ADGRL3: variants seen among roughly 807,000 people sequenced by gnomAD.
ADGRL3 encodes adhesion G protein-coupled receptor L3.
A neutral mutation model predicts 153.5 loss-of-function variants in ADGRL3; 62 were observed. The ratio of observed to expected loss-of-function variants is 0.40; its 90% confidence interval spans 0.33 to 0.50. The LOEUF (loss-of-function observed/expected upper bound fraction) is 0.50, where lower values mean the gene tolerates loss of function less well. ADGRL3 is among the 20% of genes least tolerant of loss of function. The pLI is 0.47. For synonymous variants in ADGRL3, 710 were observed against 672.5 expected (o/e 1.06, Z -0.86); for missense variants, 1,641 against 1,859.4 (o/e 0.88, Z 2.16).
At chr4:62,018,924 G>C (rs1161573975) in intron 21 of ADGRL3, among the ~76,000 whole-genome samples, 2 of 152,296 alleles carry the variant, frequency 1.3e-5, no homozygotes, top group East Asian at 3.9e-4. Context: ...TGCAGCTGGG[G>C]TGTGGAAACA....
At chr4:61,408,663 T>G (rs527867925) in intron 2 of ADGRL3, among the ~76,000 whole-genome samples, 1 of 152,200 alleles carries the variant, frequency 6.6e-6, no homozygotes, top group African/African-American at 2.4e-5. Flanking sequence ...ATTATTTAAT[T>G]ATTTATACAG....
intron 2 of ADGRL3, among the ~76,000 whole-genome samples, chr4:61,492,603 A>G (rs1193501330): frequency 6.6e-6 from 1 of 152,130 alleles, no homozygotes; most frequent in Non-Finnish European, 1.5e-5. Flanking sequence ...CAATTATGAC[A>G]CCAGAATTCA....
chr4:61,401,124 A>C (rs1362559772), intron 2 of ADGRL3, among the ~76,000 whole-genome samples: 1 of 151,676 alleles, frequency 6.6e-6, no homozygotes, highest in Non-Finnish European at 1.5e-5. Context: ...ATAGTCCTGG[A>C]ATTTTTGCTG....
intron 11 of ADGRL3, among the ~76,000 whole-genome samples, chr4:61,905,439 G>A (rs756547922): frequency 1.3e-5 from 2 of 151,924 alleles, no homozygotes; most frequent in South Asian, 4.2e-4. Flanking sequence ...CCCACCAGTG[G>A]GCCACAAATG....
chr4:61,449,119 A>AT (rs2097641876), intron 2 of ADGRL3, among the ~76,000 whole-genome samples: 1 of 151,518 alleles, frequency 6.6e-6, no homozygotes, highest in Non-Finnish European at 1.5e-5. Flanking sequence ...TTTTCCTTTT[A>AT]TTTTTTATTT....
At chr4:61,867,328 G>C (rs1278845791) in intron 9 of ADGRL3, among the ~76,000 whole-genome samples, 1 of 150,936 alleles carries the variant, frequency 6.6e-6, no homozygotes, top group East Asian at 2.0e-4. Flanking sequence ...GGGAAACCCT[G>C]TCTCTACAAA....
chr4:61,719,470 G>T (rs112313270), intron 6 of ADGRL3, among the ~76,000 whole-genome samples: 12 of 152,252 alleles, frequency 7.9e-5, no homozygotes, highest in African/African-American at 2.6e-4. Flanking sequence ...CAAGTGTACT[G>T]TAAGATACAT....
intron 2 of ADGRL3, among the ~76,000 whole-genome samples, chr4:61,467,816 T>G (rs1478063621): frequency 1.3e-5 from 2 of 152,166 alleles, no homozygotes; most frequent in African/African-American, 4.8e-5. Context: ...TACTTGTTCT[T>G]TTCTTCAAAC....
chr4:61,833,925 A>G (rs1581056678), intron 9 of ADGRL3, among the ~76,000 whole-genome samples: 3 of 148,392 alleles, frequency 2.0e-5, no homozygotes, highest in East Asian at 2.0e-4. Context: ...GATCCCTTTC[A>G]CTGTCTCAGT....
At chr4:61,808,292 T>C (rs1239890407) in intron 8 of ADGRL3, among the ~76,000 whole-genome samples, 8 of 152,122 alleles carry the variant, frequency 5.3e-5, no homozygotes, top group Non-Finnish European at 7.3e-5. Context: ...GGATGCTGAA[T>C]AAATACACAG....
At chr4:61,277,329 G>A (rs1361616370) in intron 1 of ADGRL3, among the ~76,000 whole-genome samples, 1 of 152,060 alleles carries the variant, frequency 6.6e-6, no homozygotes, top group African/African-American at 2.4e-5. Context: ...TTCAGTAAAT[G>A]TTTCATACTG....
intron 1 of ADGRL3, among the ~76,000 whole-genome samples, chr4:61,293,286 C>A (rs1233015118): frequency 9.9e-5 from 15 of 152,122 alleles, no homozygotes; most frequent in Non-Finnish European, 2.9e-5. Flanking sequence ...GTGTTTTAAA[C>A]CATCATTACC....
chr4:61,338,238 T>G (rs1172934864), intron 1 of ADGRL3, among the ~76,000 whole-genome samples: 1 of 150,702 alleles, frequency 6.6e-6, no homozygotes. Context: ...GCCACCGCAC[T>G]CCAGCCTGGG....
intron 4 of ADGRL3, among the ~76,000 whole-genome samples, chr4:61,540,382 C>T (rs769688125): frequency 6.6e-6 from 1 of 151,998 alleles, no homozygotes; most frequent in Non-Finnish European, 1.5e-5. Flanking sequence ...AACTCCGTCT[C>T]TACTAAAAAT....
intron 5 of ADGRL3, among the ~76,000 whole-genome samples, chr4:61,598,527 T>G (rs1043051356): frequency 6.6e-5 from 10 of 152,150 alleles, no homozygotes; most frequent in African/African-American, 2.4e-4. Flanking sequence ...TACTATAATT[T>G]TTTGTCAGAA....
chr4:61,214,410 C>T (rs1454562679), intron 1 of ADGRL3, among the ~76,000 whole-genome samples: 2 of 152,106 alleles, frequency 1.3e-5, no homozygotes, highest in East Asian at 1.9e-4. Context: ...TTTTCTTTAC[C>T]GTACTTCTTA....
intron 1 of ADGRL3, among the ~76,000 whole-genome samples, chr4:61,336,854 G>T (rs1222685433): frequency 7.5e-6 from 1 of 133,336 alleles, no homozygotes; most frequent in Non-Finnish European, 1.6e-5. Context: ...TTTTCTTACA[G>T]TTCCTTTTTT....
In ADGRL3 at chr4:61,744,976, A is replaced by C. The variant is rs758126601; in HGVS notation, c.1399+11422A>C. ...AAGTTGAAAACTTTGAAAAAAATTT[A>C]GGCGAGTGTATAACTAGAATAACCA... On this transcript the variant is annotated intron_variant, in intron 8 of 26. Transcript: ENST00000683033. Among the ~76,000 whole-genome samples, 125 of 152,298 alleles carry C rather than the reference A, an allele frequency of 8.2e-4. 1 individual carries two copies. Among genetic ancestry groups the C allele is most frequent in the Middle Eastern group, 6.8e-3 (2 of 294 alleles).
intron 2 of ADGRL3, among the ~76,000 whole-genome samples, chr4:61,416,062 G>T (rs1560596368): frequency 1.3e-5 from 2 of 151,798 alleles, no homozygotes; most frequent in Non-Finnish European, 2.9e-5. Context: ...GTGCTAAAAA[G>T]TTTACATTAA....
Sources: allele counts gnomAD v4.1 joint callset (sites outside exome capture counted in the v4.1 genomes callset), GRCh38; gene constraint gnomAD v4.1.1; transcripts MANE v1.5; gene names NCBI Gene and HGNC (gene_info 2026-07-23, HGNC 2026-07-21).